The following KCNMA1 variants were observed in gnomAD, a reference collection of about 807,000 sequenced individuals.
KCNMA1 encodes the protein potassium calcium-activated channel subfamily M alpha 1.
A neutral mutation model predicts 140.0 loss-of-function variants in KCNMA1; 29 were observed. The ratio of observed to expected loss-of-function variants is 0.21; its 90% CI spans 0.15 to 0.28. The LOEUF is 0.28. KCNMA1 is among the 10% of genes least tolerant of loss of function. The pLI, the probability that KCNMA1 is intolerant of heterozygous loss-of-function variation, is 1.00. For synonymous variants in KCNMA1, 612 were observed against 611.9 expected (o/e 1.00, Z 0.00); for missense variants, 880 against 1,602.2 (o/e 0.55, Z 7.70).
intron 2 of KCNMA1, among the ~76,000 whole-genome samples, chr10:77,387,954 T>C (rs903129879): frequency 1.3e-5 from 2 of 152,192 alleles, no homozygotes; most frequent in South Asian, 2.1e-4. Context: ...TATGACTGTT[T>C]GCTGCTGAAC....
intron 1 of KCNMA1, among the ~76,000 whole-genome samples, chr10:77,525,992 G>A (rs2055453580): frequency 1.3e-5 from 2 of 152,282 alleles, no homozygotes; most frequent in South Asian, 2.1e-4. Flanking sequence ...GAAGTATCGG[G>A]GGCTTTGGAG....
At chr10:77,426,977 G>T (rs1295294489) in intron 1 of KCNMA1, among the ~76,000 whole-genome samples, 1 of 152,218 alleles carries the variant, frequency 6.6e-6, no homozygotes, top group Non-Finnish European at 1.5e-5. Flanking sequence ...CTATTACATG[G>T]AATGTACTTT....
intron 2 of KCNMA1, among the ~76,000 whole-genome samples, chr10:77,396,668 G>A (rs559674340): frequency 1.2e-4 from 19 of 152,168 alleles, no homozygotes; most frequent in African/African-American, 1.7e-4. Flanking sequence ...TGTATATAAC[G>A]TTAATGTAAA....
intron 22 of KCNMA1, among the ~76,000 whole-genome samples, chr10:76,945,572 A>C (rs1413113934): frequency 2.0e-5 from 3 of 152,210 alleles, no homozygotes; most frequent in Non-Finnish European, 2.9e-5. Flanking sequence ...CAGATCATAT[A>C]ATTTTATTGC....
At chr10:77,140,553 T>C (rs1396059771) in intron 5 of KCNMA1, 1 of 152,632 alleles carries the variant, frequency 6.6e-6, no homozygotes, top group Non-Finnish European at 1.5e-5. Flanking sequence ...TCCATTCACT[T>C]CTTGCAGGAG....
chr10:77,072,964 G>T, intron 14 of KCNMA1, 133 bp downstream of exon 14: 1 of 843,068 alleles, frequency 1.2e-6, no homozygotes, highest in Non-Finnish European at 2.0e-6. Flanking sequence ...GCCCAAATCC[G>T]TAACAAGGAA....
At chr10:77,122,755 T>C (rs904940075) in intron 5 of KCNMA1, among the ~76,000 whole-genome samples, 3 of 152,204 alleles carry the variant, frequency 2.0e-5, no homozygotes, top group Admixed American at 6.5e-5. Context: ...GATCAGTTCT[T>C]AGAGACCAAT....
intron 1 of KCNMA1, among the ~76,000 whole-genome samples, chr10:77,539,249 T>C (rs1427926382): frequency 6.6e-6 from 1 of 152,238 alleles, no homozygotes; most frequent in Non-Finnish European, 1.5e-5. Flanking sequence ...TGATAGGTAC[T>C]AACGTTCTGC....
In KCNMA1 at chr10:77,368,337, C is replaced by CT; in HGVS notation, c.540+35524dup. 5.3e-5 allele frequency among the ~76,000 whole-genome samples: 8 copies of CT among 152,264 alleles called. No homozygotes were observed. In the East Asian group the frequency reaches 1.5e-3, roughly 29 times the overall value. On this transcript the variant is annotated intron_variant, in intron 2 of 27. Transcript: ENST00000286628. ...TGAGCTTATTTGCCATCCAAATATC[C>CT]TCTTTGATCATGTGTCTATTCAAGT...
rs1030844352 is a variant in KCNMA1 at position 77,418,237 on chromosome 10, G to A, written c.379-14214C>T. The stretch of plus-strand genomic sequence containing the variant: ...CTTCTCGATCCCTAATGGGAGTTAA[G>A]GATGGCAAGCGCCTGGCCCTGCAAA... On this transcript the variant is annotated intron_variant, in intron 1 of 27. Transcript: ENST00000286628. Among the ~76,000 whole-genome samples the A allele has an allele frequency of 5.3e-5, 8 of 152,304 alleles. No homozygotes were observed. The East Asian group carries it at 1.5e-3, about 29-fold the overall frequency.
At chr10:76,998,652 T>C (rs2085169901) in intron 19 of KCNMA1, among the ~76,000 whole-genome samples, 1 of 152,154 alleles carries the variant, frequency 6.6e-6, no homozygotes, top group Non-Finnish European at 1.5e-5. Context: ...TGTCAAACCC[T>C]CTACATTTCA....
chr10:77,223,659 T>C (rs1383900765), intron 3 of KCNMA1, among the ~76,000 whole-genome samples: 1 of 152,198 alleles, frequency 6.6e-6, no homozygotes, highest in Admixed American at 6.5e-5. Context: ...TTGCCCTCTC[T>C]GATTGGCATG....
chr10:77,327,082 C>G (rs2084480280), intron 2 of KCNMA1, among the ~76,000 whole-genome samples: 1 of 152,054 alleles, frequency 6.6e-6, no homozygotes, highest in Non-Finnish European at 1.5e-5. Flanking sequence ...GTTTTAAAAT[C>G]TACTCCAGCA....
intron 13 of KCNMA1, among the ~76,000 whole-genome samples, chr10:77,076,574 G>T (rs775222119): frequency 6.6e-6 from 1 of 152,150 alleles, no homozygotes; most frequent in Non-Finnish European, 1.5e-5. Flanking sequence ...CTCCCCGCTC[G>T]CTGGCTGCAG....
intron 1 of KCNMA1, among the ~76,000 whole-genome samples, chr10:77,494,113 C>A (rs2040957841): frequency 6.6e-6 from 1 of 152,162 alleles, no homozygotes; most frequent in Admixed American, 6.5e-5. Flanking sequence ...CAACACAGGG[C>A]TGGGTGAATA....
intron 25 of KCNMA1, chr10:76,904,265 C>T (rs781147887): frequency 1.3e-5 from 2 of 152,214 alleles, no homozygotes; most frequent in Non-Finnish European, 2.9e-5. Flanking sequence ...TCCTCCAAGT[C>T]ACTGCCTTTG....
intron 1 of KCNMA1, among the ~76,000 whole-genome samples, chr10:77,462,480 C>T (rs138658634): frequency 5.3e-4 from 81 of 152,300 alleles, no homozygotes; most frequent in African/African-American, 1.9e-3. Context: ...CATACATACA[C>T]GTAAACATAC....
chr10:77,417,932 G>A (rs1056297394), intron 1 of KCNMA1, among the ~76,000 whole-genome samples: 2 of 152,186 alleles, frequency 1.3e-5, no homozygotes, highest in Non-Finnish European at 2.9e-5. Context: ...ACCGCTCCGA[G>A]CACAGCCCAG....
At position 77,090,195 on chromosome 10, in the gene KCNMA1, C is replaced by T. The variant is rs139047782; in HGVS notation, c.1334+205G>A. On this transcript the variant is annotated intron_variant, in intron 10 of 27. Coordinates refer to ENST00000286628, the MANE Select transcript of KCNMA1 (RefSeq NM_001161352.2). ...CGCCTCCACAGAGGCAGACTCTGCTCTCATCATTGAACCAGTGTGTTGCTT... is the reference window on the plus strand; with the variant it reads ...CGCCTCCACAGAGGCAGACTCTGCTTTCATCATTGAACCAGTGTGTTGCTT... Among the ~76,000 whole-genome samples, 40 of 152,314 alleles carry T rather than the reference C, an allele frequency of 2.6e-4. No homozygotes were observed. The East Asian group carries it at 6.4e-3, about 24-fold the overall frequency.
Sources: gnomAD v4.1 joint callset for allele counts (sites outside exome capture counted in the v4.1 genomes callset) on GRCh38, gnomAD v4.1.1 for gene constraint, MANE v1.5 for transcripts, NCBI Gene and HGNC (gene_info 2026-07-23, HGNC 2026-07-21) for gene names.